OR2T12: variants seen among roughly 807,000 people sequenced by gnomAD.
OR2T12 encodes the protein olfactory receptor family 2 subfamily T member 12.
For synonymous variants in OR2T12, 127 were observed against 160.5 expected (o/e 0.79, Z 1.58); for missense variants, 335 against 404.3 (o/e 0.83, Z 1.47).
At chr1:248,298,953 A>G (rs1429591995) in intron 2 of OR2T12, among the ~76,000 whole-genome samples, 1 of 152,174 alleles carries the variant, frequency 6.6e-6, no homozygotes, top group Non-Finnish European at 1.5e-5. Flanking sequence ...TAAGTGAAGG[A>G]GAAATAAAAT....
rs1214686695 is a variant in OR2T12, at chr1:248,293,865, T to TA, written c.*750dup. On this transcript the variant is annotated 3_prime_UTR_variant, in exon 3 of 3. Transcript: ENST00000641276. The stretch of plus-strand genomic sequence containing the variant: ...TTGGAAAAGATAAATATTACTTATA[T>TA]AAAAAATTACATGAATTTAAAAAAG... The TA allele has an allele frequency of 2.2e-5, 3 of 138,096 alleles. No homozygotes were observed. In the Admixed American group the frequency reaches 2.3e-4, roughly 11 times the overall value. The allele number at this position is 138,096 out of a possible 1,614,324, so 8.6% of individuals were successfully genotyped here. A position where few individuals can be genotyped will look rare whatever the true frequency, so the allele number is the denominator to read the frequency against.
At chr1:248,295,905 C>G (rs142028518) in intron 2 of OR2T12, among the ~76,000 whole-genome samples, 3,725 of 151,918 alleles carry the variant, frequency 0.025, 170 homozygotes, top group African/African-American at 0.085. Flanking sequence ...GCACAATGTG[C>G]AGGTTAGTTA....
intron 1 of OR2T12, among the ~76,000 whole-genome samples, chr1:248,301,900 A>C (rs1003052006): frequency 6.6e-6 from 1 of 152,084 alleles, no homozygotes; most frequent in Non-Finnish European, 1.5e-5. Flanking sequence ...CTTGAAAATC[A>C]TGGTCAGATT....
chr1:248,295,216 A>G lies in OR2T12; in HGVS notation c.363T>C (p.Tyr121=), dbSNP rs1466479376. The change falls in exon 3 of 3, where the codon TAT becomes TAC. Residue 121 remains tyrosine, a synonymous_variant. Transcript: ENST00000641276. ...ATCGGAGTGGGTGGCAGACAGCCGC[A>G]TAGCGGTCATAGGCCATGGCTGCTA... ...FLLAAMAYDR[Y]AAVCHPLRYP... 1.9e-6 allele frequency: 3 copies of G among 1,609,644 alleles called. No individual in the cohort carries two copies. The highest frequency in any genetic ancestry group is 2.7e-5 in the African/African-American group (2 of 74,004).
At chr1:248,302,416 T>C (rs1217924484) in intron 1 of OR2T12, among the ~76,000 whole-genome samples, 1 of 152,098 alleles carries the variant, frequency 6.6e-6, no homozygotes, top group African/African-American at 2.4e-5. Context: ...ACAGCAACAC[T>C]GCAATAATGA....
At chr1:248,296,283 T>C (rs182420205) in intron 2 of OR2T12, among the ~76,000 whole-genome samples, 75 of 152,324 alleles carry the variant, frequency 4.9e-4, no homozygotes, top group African/African-American at 1.7e-3. Flanking sequence ...GTTCCAAGTC[T>C]TTGCTATTGT....
intron 1 of OR2T12, 142 bp from the exon 2 acceptor site, chr1:248,301,695 ATTTAT>A (rs1659813208): frequency 6.6e-6 from 1 of 152,074 alleles, no homozygotes; most frequent in Admixed American, 6.5e-5. Context: ...TTCTAATTTT[ATTTAT>A]TTTATCTAAT....
chr1:248,298,545 T>C (rs1490110034), intron 2 of OR2T12, among the ~76,000 whole-genome samples: 3 of 151,878 alleles, frequency 2.0e-5, no homozygotes, highest in African/African-American at 7.2e-5. Flanking sequence ...TATTGGTCTA[T>C]TCAGAGATTC....
At position 248,294,515 on chromosome 1, in the gene OR2T12, T is replaced by A. The variant is rs1191529486; in HGVS notation, c.*101A>T. On this transcript the variant is annotated 3_prime_UTR_variant, in exon 3 of 3. Coordinates refer to ENST00000641276, the MANE Select transcript of OR2T12 (RefSeq NM_001004692.2). Reference sequence around the variant, plus strand: ...TCTTAAAAATATCTTATTATATCAATACACAAACTTAATTTTCTCTTCATG... The same window carrying A: ...TCTTAAAAATATCTTATTATATCAAAACACAAACTTAATTTTCTCTTCATG... The A allele has an allele frequency of 5.0e-6, 7 of 1,411,134 alleles. No homozygotes were observed. The highest frequency in any genetic ancestry group is 6.7e-6 in the Non-Finnish European group (7 of 1,039,354). The allele number at this position is 1,411,134 out of a possible 1,614,324, so 87.4% of individuals were successfully genotyped here. A position where few individuals can be genotyped will look rare whatever the true frequency, so the allele number is the denominator to read the frequency against.
chr1:248,297,511 G>T (rs1659748295), intron 2 of OR2T12, among the ~76,000 whole-genome samples: 1 of 152,058 alleles, frequency 6.6e-6, no homozygotes, highest in Admixed American at 6.6e-5. Flanking sequence ...CCATTTGTTT[G>T]TAACCTCTTT....
chr1:248,298,102 AC>A (rs1659761749), intron 2 of OR2T12, among the ~76,000 whole-genome samples: 1 of 152,032 alleles, frequency 6.6e-6, no homozygotes, highest in African/African-American at 2.4e-5. Flanking sequence ...GCATCTATTG[AC>A]ATAATCATGT....
In OR2T12 at chr1:248,291,147, C is replaced by T. The variant is rs1205896513; in HGVS notation, c.*3469G>A. On this transcript the variant is annotated 3_prime_UTR_variant, in exon 3 of 3. Coordinates refer to ENST00000641276, the MANE Select transcript of OR2T12 (RefSeq NM_001004692.2). ...ATGAATCCAAAGGAAGAGAGGAAGT[C>T]AAACTGCCTCTGTTTGCAGATTACA... The T allele has an allele frequency of 6.6e-6, 1 of 152,066 alleles. No individual in the cohort carries two copies. Among genetic ancestry groups the T allele is most frequent in the African/African-American group, 2.4e-5 (1 of 41,400 alleles). 9.4% of individuals were successfully genotyped at this position (152,066 alleles called of 1,614,324 possible).
intron 2 of OR2T12, among the ~76,000 whole-genome samples, chr1:248,299,770 A>C (rs1249488297): frequency 6.6e-6 from 1 of 152,128 alleles, no homozygotes; most frequent in Admixed American, 6.5e-5. Context: ...TCCAAAATTG[A>C]CCACATAGTT....
intron 2 of OR2T12, among the ~76,000 whole-genome samples, chr1:248,299,784 A>C (rs1000494173): frequency 6.6e-6 from 1 of 152,164 alleles, no homozygotes; most frequent in Non-Finnish European, 1.5e-5. Context: ...CATAGTTGGA[A>C]GTAAAGCTCT....
At chr1:248,296,160 C>T (rs1659723680) in intron 2 of OR2T12, among the ~76,000 whole-genome samples, 1 of 152,130 alleles carries the variant, frequency 6.6e-6, no homozygotes, top group South Asian at 2.1e-4. Context: ...CAATTTCATC[C>T]ATGTCTCTAC....
chr1:248,291,411 T>G lies in OR2T12; in HGVS notation c.*3205A>C, dbSNP rs534506923. ...TATGAAGGACCTCTTCAAGGAGAAC[T>G]ACAAACCACTGCTCAAGGAAATAAG... On this transcript the variant is annotated 3_prime_UTR_variant, in exon 3 of 3. Transcript: ENST00000641276. 3.3e-5 allele frequency: 5 copies of G among 152,152 alleles called. 1 individual carries two copies. The South Asian group carries it at 1.0e-3, about 32-fold the overall frequency. The allele number at this position is 152,152 out of a possible 1,614,324, so 9.4% of individuals were successfully genotyped here.
chr1:248,297,423 G>A (rs1659747110), intron 2 of OR2T12, among the ~76,000 whole-genome samples: 1 of 151,728 alleles, frequency 6.6e-6, no homozygotes, highest in Non-Finnish European at 1.5e-5. Flanking sequence ...GGATGGCATT[G>A]AATCTATAAA....
Position 248,302,159 on chromosome 1 carries a change from G to T in OR2T12, c.-189-606C>A, listed in dbSNP as rs1332215017. ...TACCCTTTTGCAGTAGGAATGATCA[G>T]GAAACAAAACAAAACAAAGCAACAA... is the stretch of plus-strand genomic sequence containing the variant. On this transcript the variant is annotated intron_variant, in intron 1 of 2. Coordinates refer to ENST00000641276, the MANE Select transcript of OR2T12 (RefSeq NM_001004692.2). 3.3e-5 allele frequency among the ~76,000 whole-genome samples: 5 copies of T among 151,868 alleles called. No homozygotes were observed. The East Asian group carries it at 9.6e-4, about 29-fold the overall frequency.
chr1:248,302,293 A>G (rs926504266), intron 1 of OR2T12, among the ~76,000 whole-genome samples: 7 of 152,142 alleles, frequency 4.6e-5, no homozygotes, highest in African/African-American at 1.4e-4. Flanking sequence ...AAGAAGTAGC[A>G]TTGATGAGTT....
Sources: allele counts gnomAD v4.1 joint callset (sites outside exome capture counted in the v4.1 genomes callset), GRCh38; gene constraint gnomAD v4.1.1; transcripts MANE v1.5; gene names NCBI Gene and HGNC (gene_info 2026-07-23, HGNC 2026-07-21).